RIC1: variants seen among roughly 807,000 people sequenced by gnomAD.
The protein encoded by RIC1 is RIC1 partner of RAB6A GEF complex.
RIC1 carries 88 observed loss-of-function variants against 169.0 expected under a neutral mutation model. The ratio of observed to expected loss-of-function variants is 0.52; its 90% confidence interval spans 0.44 to 0.62. The LOEUF (loss-of-function observed/expected upper bound fraction) is 0.62. RIC1 is among the 20% of genes least tolerant of loss of function. RIC1 has a pLI of 0.00. For missense variants in RIC1, 1,877 were observed against 1,725.5 expected (o/e 1.09, Z -1.56); for synonymous variants, 790 against 601.5 (o/e 1.31, Z -4.59).
intron 8 of RIC1, among the ~76,000 whole-genome samples, chr9:5,739,069 G>A (rs1824910313): frequency 6.6e-6 from 1 of 152,246 alleles, no homozygotes; most frequent in Non-Finnish European, 1.5e-5. Flanking sequence ...CTTCAAAGAT[G>A]TAGCTGCTGC....
chr9:5,753,064 T>C, intron 12 of RIC1, 136 bp from the exon 13 acceptor site: 1 of 691,382 alleles, frequency 1.4e-6, no homozygotes, highest in Non-Finnish European at 2.5e-6. Context: ...AATGGTAAAT[T>C]CCAAGTGCTC....
intron 12 of RIC1, among the ~76,000 whole-genome samples, chr9:5,749,425 C>T (rs573555167): frequency 3.9e-5 from 6 of 152,258 alleles, no homozygotes; most frequent in African/African-American, 1.4e-4. Flanking sequence ...TGATGACTCC[C>T]TGAAGAAACA....
chr9:5,636,835 C>T (rs1278282704), intron 1 of RIC1, among the ~76,000 whole-genome samples: 1 of 151,978 alleles, frequency 6.6e-6, no homozygotes, highest in East Asian at 1.9e-4. Flanking sequence ...GTAAGTTTTG[C>T]ACTTATGCTT....
chr9:5,650,604 T>C (rs1280657539), intron 1 of RIC1, among the ~76,000 whole-genome samples: 2 of 151,932 alleles, frequency 1.3e-5, no homozygotes, highest in African/African-American at 2.4e-5. Context: ...TCAGGAACAT[T>C]GACACTGGCA....
chr9:5,683,190 G>C (rs991620379), intron 2 of RIC1, among the ~76,000 whole-genome samples: 13 of 152,170 alleles, frequency 8.5e-5, no homozygotes, highest in Admixed American at 7.2e-4. Context: ...TGTTTGTGAG[G>C]AGCTGCGTTC....
intron 6 of RIC1, among the ~76,000 whole-genome samples, chr9:5,722,331 A>C (rs187088811): frequency 3.3e-3 from 296 of 89,314 alleles, no homozygotes; most frequent in African/African-American, 0.011. Context: ...AGCTTGCAAA[A>C]ACTATAAGAG....
intron 6 of RIC1, among the ~76,000 whole-genome samples, chr9:5,723,334 T>C (rs996682279): frequency 3.9e-5 from 6 of 152,258 alleles, no homozygotes; most frequent in African/African-American, 1.4e-4. Context: ...TTCATGTGTC[T>C]GTTGGCTGCA....
At chr9:5,757,290 G>T (rs765145943) in intron 16 of RIC1, 23 bp from the exon 17 acceptor site, 35 of 1,613,050 alleles carry the variant, frequency 2.2e-5, no homozygotes, top group Non-Finnish European at 2.8e-5. Context: ...GTTGAGGTAT[G>T]TGGGTTTCTT....
chr9:5,764,563 A>AC (rs1347373123), intron 19 of RIC1, among the ~76,000 whole-genome samples: 9 of 152,360 alleles, frequency 5.9e-5, no homozygotes, highest in African/African-American at 1.7e-4. Flanking sequence ...TAAGAAGCTA[A>AC]CCATAAACCT....
chr9:5,713,840 C>T (rs1190846524), intron 3 of RIC1, 56 bp from the exon 4 acceptor site: 10 of 1,153,054 alleles, frequency 8.7e-6, no homozygotes, highest in African/African-American at 1.5e-5. Context: ...TGTGTATTAG[C>T]CACAGAATGG....
chr9:5,679,785 G>T (rs372942976), intron 2 of RIC1, among the ~76,000 whole-genome samples: 1 of 152,142 alleles, frequency 6.6e-6, no homozygotes. Flanking sequence ...GTCATCTGCA[G>T]ACAGGGACAA....
chr9:5,764,295 G>A (rs1428676329), intron 19 of RIC1, among the ~76,000 whole-genome samples: 2 of 152,136 alleles, frequency 1.3e-5, no homozygotes, highest in African/African-American at 4.8e-5. Context: ...TTCAGTGTGG[G>A]TTACTGAGGG....
At chr9:5,646,971 A>G (rs984475483) in intron 1 of RIC1, among the ~76,000 whole-genome samples, 2 of 152,014 alleles carry the variant, frequency 1.3e-5, no homozygotes, top group South Asian at 4.2e-4. Flanking sequence ...GATCACTTTG[A>G]GACAATTTTT....
chr9:5,729,849 CTTT>C (rs71487828), intron 6 of RIC1, among the ~76,000 whole-genome samples: 1 of 149,928 alleles, frequency 6.7e-6, no homozygotes, highest in East Asian at 1.9e-4. Context: ...AGAAAAAACT[CTTT>C]TTTTTTTCCT....
chr9:5,745,765 A>G (rs866832352), intron 10 of RIC1, among the ~76,000 whole-genome samples, 166 bp from the exon 11 acceptor site: 1 of 152,226 alleles, frequency 6.6e-6, no homozygotes, highest in Non-Finnish European at 1.5e-5. Context: ...GTTAAGAGGT[A>G]ACTGAAGGTG....
chr9:5,635,908 A>G lies in RIC1; in HGVS notation c.144+6455A>G, dbSNP rs560710152. 5.5e-4 allele frequency among the ~76,000 whole-genome samples: 84 copies of G among 152,328 alleles called. 1 individual carries two copies. Among genetic ancestry groups the G allele is most frequent in the Admixed American group, 1.0e-3 (16 of 15,310 alleles). On this transcript the variant is annotated intron_variant, in intron 1 of 25. Coordinates refer to ENST00000414202, the MANE Select transcript of RIC1 (RefSeq NM_020829.4). The stretch of plus-strand genomic sequence containing the variant: ...CACCAGCCATTATGGAACTGAATCT[A>G]TTCAACCTTTCTTTATAAATTACCA...
Position 5,774,177 on chromosome 9 carries a change from G to C in RIC1, c.4203G>C (p.Glu1401Asp), listed in dbSNP as rs751958383. The C allele has an allele frequency of 9.3e-6, 15 of 1,613,452 alleles. No individual in the cohort carries two copies. In the Admixed American group the frequency reaches 2.3e-4, roughly 25 times the overall value. ...VGSSNMVSRK[E>D]EDTAQAEEEE... ...GCAGCAATATGGTCAGCCGGAAAGA[G>C]GAGGACACAGCCCAAGCAGAGGAGG... The change falls in exon 26 of 26, where the codon GAG becomes GAC. Residue 1401 changes from glutamate to aspartate, a missense_variant. Coordinates refer to ENST00000414202, the MANE Select transcript of RIC1 (RefSeq NM_020829.4).
intron 19 of RIC1, 174 bp from the exon 20 acceptor site, chr9:5,765,240 A>G: frequency 1.6e-6 from 1 of 622,876 alleles, no homozygotes; most frequent in East Asian, 2.8e-5. Flanking sequence ...TACATACACC[A>G]GAAGAGTACT....
At chr9:5,716,122 G>A (rs1823228647) in intron 4 of RIC1, among the ~76,000 whole-genome samples, 2 of 152,066 alleles carry the variant, frequency 1.3e-5, no homozygotes, top group South Asian at 2.1e-4. Context: ...GGGATTGCAG[G>A]TGTTGAGCCA....
Sources: gnomAD v4.1 joint callset for allele counts (sites outside exome capture counted in the v4.1 genomes callset) on GRCh38, gnomAD v4.1.1 for gene constraint, MANE v1.5 for transcripts, NCBI Gene and HGNC (gene_info 2026-07-23, HGNC 2026-07-21) for gene names.